CD1B: variants seen among roughly 807,000 people sequenced by gnomAD.
CD1B encodes the protein T-cell surface glycoprotein CD1b.
A neutral mutation model predicts 39.8 loss-of-function variants in CD1B; 43 were observed. The ratio of observed to expected loss-of-function variants is 1.08; its 90% CI spans 0.85 to 1.39. CD1B has a LOEUF of 1.39. CD1B is among the 40% of genes most tolerant of loss of function. The pLI, the probability that CD1B is intolerant of heterozygous loss-of-function variation, is 0.00. For missense variants in CD1B, 495 were observed against 403.8 expected (o/e 1.23, Z -1.94); for synonymous variants, 192 against 152.5 (o/e 1.26, Z -1.91).
the CD1B span, among the ~76,000 whole-genome samples, chr1:158,306,500 T>G: frequency 6.6e-6 from 1 of 152,194 alleles, no homozygotes; most frequent in South Asian, 2.1e-4. Context: ...AACACCCCAC[T>G]GTCAACATTA....
the CD1B span, among the ~76,000 whole-genome samples, chr1:158,315,608 G>C: frequency 6.6e-6 from 1 of 151,154 alleles, no homozygotes; most frequent in Non-Finnish European, 1.5e-5. Flanking sequence ...TTTGTAGGTT[G>C]CCTGTTCACT....
the CD1B span, chr1:158,291,190 T>TCC: frequency 1.2e-6 from 2 of 1,613,730 alleles, no homozygotes; most frequent in Non-Finnish European, 1.7e-6. Context: ...TGTCAACCAA[T>TCC]CCTGGGCACG....
At chr1:158,299,867 T>A in the CD1B span, among the ~76,000 whole-genome samples, 2 of 152,326 alleles carry the variant, frequency 1.3e-5, no homozygotes, top group East Asian at 3.9e-4. Flanking sequence ...TCTATATGAT[T>A]CTTCTCTCTT....
chr1:158,310,378 C>T, the CD1B span, among the ~76,000 whole-genome samples: 5 of 152,074 alleles, frequency 3.3e-5, no homozygotes, highest in Non-Finnish European at 7.4e-5. Flanking sequence ...GGAAGAAAAC[C>T]TGTGAAATTC....
the CD1B span, among the ~76,000 whole-genome samples, chr1:158,316,601 A>G: frequency 6.6e-6 from 1 of 151,418 alleles, no homozygotes; most frequent in Non-Finnish European, 1.5e-5. Context: ...TGTCGTCTGC[A>G]AACAGGGACA....
At chr1:158,307,596 T>C in the CD1B span, among the ~76,000 whole-genome samples, 83,379 of 151,994 alleles carry the variant, frequency 0.55, 26,203 homozygotes, top group African/African-American at 0.85. Context: ...AGGCCAGCAT[T>C]ATCCTGATAC....
the CD1B span, among the ~76,000 whole-genome samples, chr1:158,319,990 G>T: frequency 2.6e-5 from 4 of 152,158 alleles, no homozygotes; most frequent in East Asian, 1.9e-4. Context: ...CAGGGGTCAG[G>T]GACCCGCTTG....
chr1:158,311,969 G>A, the CD1B span, among the ~76,000 whole-genome samples: 10 of 152,152 alleles, frequency 6.6e-5, no homozygotes, highest in African/African-American at 2.2e-4. Context: ...AGATTACTTT[G>A]GCTTTTGGGG....
At position 158,331,011 on chromosome 1, in the gene CD1B, T is replaced by C. The variant is rs1383111117; in HGVS notation, c.113A>G (p.Asn38Ser). Residue 38 changes from asparagine to serine, a missense_variant, in exon 2 of 6, where the codon AAT becomes AGT. By Grantham distance (46) the Asn-to-Ser change is conservative (BLOSUM62 1). Transcript: ENST00000368168. Reference protein sequence around the residue: ...FHVIQTSSFTNSTWAQTQGSG... With the variant: ...FHVIQTSSFTSSTWAQTQGSG... ...GCCTTGAGTTTGTGCCCAGGTACTATTGGTAAAGGACGAGGTCTGGATAAC... is the reference window on the plus strand; with the variant it reads ...GCCTTGAGTTTGTGCCCAGGTACTACTGGTAAAGGACGAGGTCTGGATAAC... 5 of 1,613,944 alleles carry C rather than the reference T, an allele frequency of 3.1e-6. No homozygotes were observed. The highest frequency in any genetic ancestry group is 2.7e-5 in the African/African-American group (2 of 74,906).
chr1:158,331,248 C>T (rs192074897), intron 1 of CD1B, 115 bp downstream of exon 1: 105 of 1,142,658 alleles, frequency 9.2e-5, no homozygotes, highest in East Asian at 1.2e-4. Flanking sequence ...TTGAAGAGGG[C>T]GGGAGACAGA....
chr1:158,313,362 G>A, the CD1B span, among the ~76,000 whole-genome samples: 2 of 152,112 alleles, frequency 1.3e-5, no homozygotes, highest in Non-Finnish European at 2.9e-5. Flanking sequence ...CCAAGCTGGA[G>A]TGCAGTGGCA....
the CD1B span, among the ~76,000 whole-genome samples, chr1:158,287,431 A>T: frequency 1.3e-5 from 2 of 152,122 alleles, no homozygotes; most frequent in East Asian, 3.9e-4. Flanking sequence ...TGAGATTGAC[A>T]TTACTTCTTA....
At chr1:158,308,209 C>T in the CD1B span, among the ~76,000 whole-genome samples, 1 of 152,138 alleles carries the variant, frequency 6.6e-6, no homozygotes, top group Admixed American at 6.5e-5. Flanking sequence ...AGAGCCAAAC[C>T]ATGAGTGAAC....
At chr1:158,328,319 A>G in intron 5 of CD1B, 62 bp from the exon 6 acceptor site, 1 of 1,338,114 alleles carries the variant, frequency 7.5e-7, no homozygotes, top group South Asian at 1.2e-5. Flanking sequence ...CCATGCTCAT[A>G]GTAATATTAT....
chr1:158,308,160 C>A, the CD1B span, among the ~76,000 whole-genome samples: 1 of 152,142 alleles, frequency 6.6e-6, no homozygotes, highest in Non-Finnish European at 1.5e-5. Context: ...AGTCAATGTG[C>A]AAAAATCACA....
chr1:158,318,216 C>T, the CD1B span, among the ~76,000 whole-genome samples: 1 of 152,114 alleles, frequency 6.6e-6, no homozygotes, highest in African/African-American at 2.4e-5. Flanking sequence ...CCTGGGTATC[C>T]TTGTTGACTT....
rs148857689 is a variant in CD1B, at chr1:158,331,372, T to A, written c.52A>T (p.Ser18Cys). Residue 18 changes from serine to cysteine, a missense_variant, in exon 1 of 6, where the codon AGT becomes TGT. Ser to Cys is a moderately radical substitution (Grantham distance 112, BLOSUM62 -1). Coordinates refer to ENST00000368168, the MANE Select transcript of CD1B (RefSeq NM_001764.3). ...CCAGAGTGACTCTTACCATGTTCAC[T>A]GTTACCACCAGGAAAGAGAACAGCT... The part of the protein sequence containing the change: ...LLAVLFPGGN[S>C]EHAFQGPTSF... 1.9e-6 allele frequency: 3 copies of A among 1,613,862 alleles called. No individual in the cohort carries two copies. The highest frequency in any genetic ancestry group is 2.5e-6 in the Non-Finnish European group (3 of 1,179,854).
chr1:158,293,115 C>T, the CD1B span: 6 of 1,011,598 alleles, frequency 5.9e-6, no homozygotes, highest in Non-Finnish European at 7.6e-6. Context: ...ACTGATGCAA[C>T]TCATCCAATG....
At chr1:158,298,276 T>C in the CD1B span, among the ~76,000 whole-genome samples, 2 of 152,308 alleles carry the variant, frequency 1.3e-5, no homozygotes, top group East Asian at 3.9e-4. Flanking sequence ...AAGAAGCTTA[T>C]GTTATCATAC....
Sources: gnomAD v4.1 joint callset for allele counts (sites outside exome capture counted in the v4.1 genomes callset) on GRCh38, gnomAD v4.1.1 for gene constraint, MANE v1.5 for transcripts, NCBI Gene and HGNC (gene_info 2026-07-23, HGNC 2026-07-21) for gene names.